SLCO1B1: variants seen among roughly 807,000 people sequenced by gnomAD.
SLCO1B1 encodes the protein OATP-2.
A neutral mutation model predicts 70.1 loss-of-function variants in SLCO1B1; 81 were observed. That is an observed-to-expected ratio of 1.16 (90% CI 0.97 to 1.39). SLCO1B1 has a LOEUF of 1.39. SLCO1B1 is among the 40% of genes most tolerant of loss of function. The probability of loss-of-function intolerance (pLI) is 0.00; values close to 1 mark genes in which losing one functional copy is unlikely to be tolerated. For missense variants in SLCO1B1, 895 were observed against 799.6 expected (o/e 1.12, Z -1.44); for synonymous variants, 283 against 271.5 (o/e 1.04, Z -0.42).
chr12:21,178,054 T>C (rs4149050), intron 5 of SLCO1B1, among the ~76,000 whole-genome samples: 50,969 of 151,946 alleles, frequency 0.34, 9,902 homozygotes, highest in African/African-American at 0.53. Flanking sequence ...TTTACTTGTT[T>C]GTGCTTTTCT....
At chr12:21,136,187 T>C (rs982114271) in intron 1 of SLCO1B1, among the ~76,000 whole-genome samples, 17 of 152,216 alleles carry the variant, frequency 1.1e-4, no homozygotes, top group African/African-American at 3.4e-4. Context: ...GTAGAGTTTC[T>C]GCCGAGAGAT....
chr12:21,133,396 G>A (rs1327650362), intron 1 of SLCO1B1, among the ~76,000 whole-genome samples: 5 of 152,100 alleles, frequency 3.3e-5, no homozygotes, highest in South Asian at 2.1e-4. Context: ...GATGGGGATG[G>A]CATTGAATCT....
chr12:21,211,529 T>G (rs904315102), intron 11 of SLCO1B1, among the ~76,000 whole-genome samples: 15 of 152,224 alleles, frequency 9.9e-5, no homozygotes, highest in Non-Finnish European at 1.6e-4. Flanking sequence ...TCTCTTTTTT[T>G]GTTGTGTCTC....
chr12:21,150,983 G>T (rs1303690545), intron 2 of SLCO1B1, among the ~76,000 whole-genome samples: 5 of 152,150 alleles, frequency 3.3e-5, no homozygotes, highest in Non-Finnish European at 5.9e-5. Context: ...CAACAGGAAT[G>T]CATTATGAGA....
At chr12:21,222,562 G>T (rs1037248907) in intron 13 of SLCO1B1, among the ~76,000 whole-genome samples, 198 bp downstream of exon 13, 1 of 150,880 alleles carries the variant, frequency 6.6e-6, no homozygotes, top group Non-Finnish European at 1.5e-5. Flanking sequence ...AAAACAATAA[G>T]AGACAGAGTA....
rs780733165 is a variant in SLCO1B1, at chr12:21,151,243, T to C, written c.84+9585T>C. Among the ~76,000 whole-genome samples, 120 of 152,308 alleles carry C rather than the reference T, an allele frequency of 7.9e-4. 1 individual carries two copies. Among genetic ancestry groups the C allele is most frequent in the Middle Eastern group, 3.4e-3 (1 of 294 alleles). ...TATTATAATCTTATGGGACCATCATTGTATATGCTCTCCAACATTGACTTA... is the reference window on the plus strand; with the variant it reads ...TATTATAATCTTATGGGACCATCATCGTATATGCTCTCCAACATTGACTTA... On this transcript the variant is annotated intron_variant, in intron 2 of 14. Coordinates refer to ENST00000256958, the MANE Select transcript of SLCO1B1 (RefSeq NM_006446.5).
intron 2 of SLCO1B1, among the ~76,000 whole-genome samples, chr12:21,161,895 C>T (rs918372676): frequency 1.3e-5 from 2 of 151,950 alleles, no homozygotes; most frequent in African/African-American, 2.4e-5. Flanking sequence ...ATAGTCCTAG[C>T]TATTCAGGAG....
At chr12:21,234,588 T>C (rs1941576804) in intron 14 of SLCO1B1, among the ~76,000 whole-genome samples, 1 of 152,062 alleles carries the variant, frequency 6.6e-6, no homozygotes, top group Non-Finnish European at 1.5e-5. Context: ...CAAGAACAGC[T>C]TGGAGGATAG....
At chr12:21,178,218 G>C (rs1162272872) in intron 5 of SLCO1B1, among the ~76,000 whole-genome samples, 2 of 152,056 alleles carry the variant, frequency 1.3e-5, no homozygotes, top group African/African-American at 4.8e-5. Context: ...CACAAGATCT[G>C]ATGATTTTAT....
chr12:21,236,309 C>T (rs1565446904), intron 14 of SLCO1B1, among the ~76,000 whole-genome samples: 1 of 152,142 alleles, frequency 6.6e-6, no homozygotes, highest in Admixed American at 6.5e-5. Context: ...CCCCAAAGTC[C>T]ACTGACCCCT....
rs151155254 is a variant in SLCO1B1 at position 21,200,518 on chromosome 12, G to T, written c.981G>T (p.Gln327His). The change falls in exon 9 of 15, where the codon CAG becomes CAT. Residue 327 changes from glutamine to histidine, a missense_variant. Gln to His is a conservative substitution (Grantham distance 24). Transcript: ENST00000256958. ...NITKNVTGFF[Q>H]SFKSILTNPL... The stretch of plus-strand genomic sequence containing the variant: ...TTTACAATTTTACAGGTTTTTTCCA[G>T]TCTTTTAAAAGCATCCTTACTAATC... The T allele has an allele frequency of 1.3e-6, 2 of 1,557,332 alleles. No individual in the cohort carries two copies. The highest frequency in any genetic ancestry group is 1.9e-5 in the Admixed American group (1 of 51,732).
chr12:21,147,635 G>T (rs749037276), intron 2 of SLCO1B1, among the ~76,000 whole-genome samples: 1 of 152,196 alleles, frequency 6.6e-6, no homozygotes, highest in African/African-American at 2.4e-5. Context: ...TGGCTGCATA[G>T]TATTCCATGG....
chr12:21,214,345 C>A (rs952796156), intron 11 of SLCO1B1, among the ~76,000 whole-genome samples: 1 of 150,936 alleles, frequency 6.6e-6, no homozygotes, highest in African/African-American at 2.5e-5. Flanking sequence ...TGTGCCCCTG[C>A]TGGGGCGTGC....
intron 9 of SLCO1B1, among the ~76,000 whole-genome samples, chr12:21,201,853 ATTC>A (rs1436732429): frequency 1.3e-5 from 2 of 152,120 alleles, no homozygotes; most frequent in African/African-American, 4.8e-5. Context: ...CTGCTATATC[ATTC>A]TTCTTTTTAA....
At chr12:21,226,883 T>G (rs1231773591) in intron 14 of SLCO1B1, among the ~76,000 whole-genome samples, 1 of 152,058 alleles carries the variant, frequency 6.6e-6, no homozygotes, top group Non-Finnish European at 1.5e-5. Context: ...GTAAAAAGTA[T>G]GTTCTATTAA....
At chr12:21,151,435 A>G (rs11045790) in intron 2 of SLCO1B1, among the ~76,000 whole-genome samples, 15,307 of 152,134 alleles carry the variant, frequency 0.1, 1,243 homozygotes, top group East Asian at 0.45. Context: ...AATTATTTAT[A>G]ATACTTTCCT....
chr12:21,139,045 T>C (rs1460322142), intron 1 of SLCO1B1, among the ~76,000 whole-genome samples: 1 of 152,054 alleles, frequency 6.6e-6, no homozygotes, highest in Non-Finnish European at 1.5e-5. Context: ...AGTTAATCAA[T>C]TGAAATAAAC....
At position 21,234,412 on chromosome 12, in the gene SLCO1B1, A is replaced by T. The variant is rs146059821; in HGVS notation, c.1866-4567A>T. 2.8e-3 allele frequency among the ~76,000 whole-genome samples: 432 copies of T among 152,298 alleles called. 1 individual carries two copies. The highest frequency in any genetic ancestry group is 0.01 in the African/African-American group (423 of 41,576). ...CCTCCAGATGCATTACTCCTAAATCATAATTTCTAATCTTTTGGCTAATTC... is the reference window on the plus strand; with the variant it reads ...CCTCCAGATGCATTACTCCTAAATCTTAATTTCTAATCTTTTGGCTAATTC... On this transcript the variant is annotated intron_variant, in intron 14 of 14. Transcript: ENST00000256958.
chr12:21,152,736 T>C (rs1440853804), intron 2 of SLCO1B1, among the ~76,000 whole-genome samples: 1 of 152,014 alleles, frequency 6.6e-6, no homozygotes, highest in Non-Finnish European at 1.5e-5. Context: ...CACCATCTTA[T>C]GAGGCTCTGA....
Sources: gnomAD v4.1 joint callset for allele counts (sites outside exome capture counted in the v4.1 genomes callset) on GRCh38, gnomAD v4.1.1 for gene constraint, MANE v1.5 for transcripts, NCBI Gene and HGNC (gene_info 2026-07-23, HGNC 2026-07-21) for gene names.